SRRM3: variants seen among roughly 807,000 people sequenced by gnomAD.
The protein encoded by SRRM3 is serine/arginine repetitive matrix protein 3.
SRRM3 carries 27 observed loss-of-function variants against 66.2 expected under a neutral mutation model. The observed-to-expected ratio is 0.41, with a 90% CI of 0.30 to 0.56. SRRM3 has a LOEUF of 0.56. SRRM3 is among the 20% of genes least tolerant of loss of function. SRRM3 has a pLI of 0.32. For synonymous variants in SRRM3, 391 were observed against 414.9 expected, an observed-to-expected ratio of 0.94 and a Z score of 0.70; for missense variants, 918 against 991.9, an observed-to-expected ratio of 0.93 and a Z score of 1.00.
chr7:76,258,465 A>T (rs1801767978), intron 3 of SRRM3, among the ~76,000 whole-genome samples: 1 of 152,116 alleles, frequency 6.6e-6, no homozygotes, highest in Non-Finnish European at 1.5e-5. Context: ...CTGTAATCCC[A>T]GCACGTTGGG....
intron 1 of SRRM3, among the ~76,000 whole-genome samples, chr7:76,232,067 C>T (rs1801029310): frequency 1.3e-5 from 2 of 152,152 alleles, no homozygotes; most frequent in South Asian, 4.1e-4. Context: ...GTATCAAGGA[C>T]CATGCCATGT....
intron 1 of SRRM3, among the ~76,000 whole-genome samples, chr7:76,220,399 T>C (rs1800680839): frequency 6.6e-6 from 1 of 152,188 alleles, no homozygotes; most frequent in Admixed American, 6.6e-5. Context: ...AGGAACAGCA[T>C]GGGTCAGTGC....
In SRRM3 at chr7:76,261,537, G is replaced by T; in HGVS notation, c.639-9G>T. ...GCAGGCTCAAGAGAACTCCTTTATC[G>T]CCCTACAGGTCTGATTCTGGGTCCC... On this transcript the variant is annotated splice_polypyrimidine_tract_variant and intron_variant, in intron 7 of 14. Transcript: ENST00000611745. 1 of 1,611,186 alleles carries T rather than the reference G, an allele frequency of 6.2e-7. No homozygotes were observed. The highest frequency in any genetic ancestry group is 8.5e-7 in the Non-Finnish European group (1 of 1,178,762).
At chr7:76,270,026 C>G (rs1802172413) in intron 11 of SRRM3, 1 of 151,996 alleles carries the variant, frequency 6.6e-6, no homozygotes, top group Non-Finnish European at 1.5e-5. Context: ...GCCAAGTCAG[C>G]AGCGGCAGCA....
intron 11 of SRRM3, among the ~76,000 whole-genome samples, chr7:76,280,244 T>A (rs1802458663): frequency 1.3e-5 from 2 of 152,166 alleles, no homozygotes; most frequent in Admixed American, 6.5e-5. Flanking sequence ...AATGTCAGGT[T>A]CCCCAGGATC....
At position 76,278,280 on chromosome 7, in the gene SRRM3, G is replaced by C. The variant is rs561504685; in HGVS notation, c.1009-3161G>C. ...GGCAGGTGGATCACCTGAGGTCAGG[G>C]GCTCAAGACCAGCCTGGCCAACTTG... On this transcript the variant is annotated intron_variant, in intron 11 of 14. Transcript: ENST00000611745. Among the ~76,000 whole-genome samples the C allele has an allele frequency of 1.6e-3, 237 of 151,924 alleles. 1 individual carries two copies. The highest frequency in any genetic ancestry group is 5.4e-3 in the African/African-American group (224 of 41,414).
At chr7:76,251,564 C>T (rs1801583379) in intron 3 of SRRM3, among the ~76,000 whole-genome samples, 2 of 151,598 alleles carry the variant, frequency 1.3e-5, no homozygotes, top group African/African-American at 4.8e-5. Context: ...TCAGTAGAGA[C>T]GGGGTTTCAC....
chr7:76,253,318 T>A (rs1304935634), intron 3 of SRRM3, among the ~76,000 whole-genome samples: 1 of 151,786 alleles, frequency 6.6e-6, no homozygotes, highest in Non-Finnish European at 1.5e-5. Context: ...GAAACCTCAT[T>A]TCTACTAAAA....
intron 8 of SRRM3, among the ~76,000 whole-genome samples, chr7:76,264,161 C>CTT (rs781826102): frequency 5.8e-4 from 73 of 126,360 alleles, no homozygotes; most frequent in African/African-American, 1.9e-3. Flanking sequence ...CAACCCCTGC[C>CTT]TTTTTTTTTT....
chr7:76,277,266 G>T (rs1802372700), intron 11 of SRRM3, among the ~76,000 whole-genome samples: 1 of 152,070 alleles, frequency 6.6e-6, no homozygotes, highest in Non-Finnish European at 1.5e-5. Flanking sequence ...GACCCTTTTT[G>T]CTCCTAACAC....
chr7:76,211,906 C>T (rs1251480682), intron 1 of SRRM3, among the ~76,000 whole-genome samples: 1 of 150,182 alleles, frequency 6.7e-6, no homozygotes, highest in Non-Finnish European at 1.5e-5. Flanking sequence ...GTGGCGCAAT[C>T]ACGGCTCACT....
chr7:76,269,943 T>C (rs1802169825), intron 11 of SRRM3: 1 of 152,046 alleles, frequency 6.6e-6, no homozygotes, highest in African/African-American at 2.4e-5. Flanking sequence ...TATACTTTTT[T>C]TTCCTTTGTA....
At chr7:76,277,895 AAAG>A (rs1309703474) in intron 11 of SRRM3, among the ~76,000 whole-genome samples, 1 of 152,282 alleles carries the variant, frequency 6.6e-6, no homozygotes, top group East Asian at 1.9e-4. Flanking sequence ...AAGATTTCTT[AAAG>A]AAGGAGACCA....
intron 11 of SRRM3, among the ~76,000 whole-genome samples, chr7:76,277,911 G>A (rs1163086689): frequency 6.6e-6 from 1 of 152,138 alleles, no homozygotes; most frequent in African/African-American, 2.4e-5. Flanking sequence ...GGAGACCAGC[G>A]TCAGCTTGAG....
At chr7:76,257,462 AAAAG>A (rs1801740606) in intron 3 of SRRM3, among the ~76,000 whole-genome samples, 1 of 151,204 alleles carries the variant, frequency 6.6e-6, no homozygotes, top group Admixed American at 6.6e-5. Context: ...AAAAAAAAAA[AAAAG>A]AAGGCCAGGC....
intron 3 of SRRM3, among the ~76,000 whole-genome samples, chr7:76,257,736 GCACTC>G (rs1801750108): frequency 6.6e-6 from 1 of 151,856 alleles, no homozygotes; most frequent in African/African-American, 2.4e-5. Flanking sequence ...TGGCACAACT[GCACTC>G]CAGCCTCGCG....
At chr7:76,249,159 G>T (rs1554606556) in intron 3 of SRRM3, among the ~76,000 whole-genome samples, 2 of 152,110 alleles carry the variant, frequency 1.3e-5, no homozygotes, top group Non-Finnish European at 2.9e-5. Flanking sequence ...GCCAAGGTGG[G>T]AGGATTGCTT....
chr7:76,229,021 C>T (rs952090417), intron 1 of SRRM3, among the ~76,000 whole-genome samples: 5 of 151,648 alleles, frequency 3.3e-5, no homozygotes, highest in African/African-American at 9.7e-5. Context: ...GCCTCAGCCT[C>T]CGGAGTAGCT....
At position 76,282,711 on chromosome 7, in the gene SRRM3, C is replaced by T. The variant is rs1802557242; in HGVS notation, c.1434C>T (p.Gly478=). The change falls in exon 13 of 15, where the codon GGC becomes GGT. Residue 478 remains glycine, a synonymous_variant. Transcript: ENST00000611745. The part of the protein sequence containing the change: ...ASTSPSPGAH[G]RRGGPEGKSS... ...CCTCTCCGTCCCCGGGCGCGCACGGCCGGCGCGGCGGCCCAGAAGGGAAGA... is the reference window on the plus strand; with the variant it reads ...CCTCTCCGTCCCCGGGCGCGCACGGTCGGCGCGGCGGCCCAGAAGGGAAGA... The T allele has an allele frequency of 5.6e-6, 8 of 1,423,958 alleles. No homozygotes were observed. Among genetic ancestry groups the T allele is most frequent in the African/African-American group, 1.5e-5 (1 of 66,648 alleles). 88.2% of individuals were successfully genotyped at this position (1,423,958 alleles called of 1,614,324 possible).
Sources: allele counts gnomAD v4.1 joint callset (sites outside exome capture counted in the v4.1 genomes callset), GRCh38; gene constraint gnomAD v4.1.1; transcripts MANE v1.5; gene names NCBI Gene and HGNC (gene_info 2026-07-23, HGNC 2026-07-21).